ZZEF1: variants seen among roughly 807,000 people sequenced by gnomAD.
ZZEF1 encodes zinc finger ZZ-type and EF-hand domain-containing protein 1.
ZZEF1 carries 157 observed loss-of-function variants against 342.8 expected under a neutral mutation model. That is an observed-to-expected ratio of 0.46 (90% CI 0.40 to 0.52). The LOEUF (loss-of-function observed/expected upper bound fraction) is 0.52. Among genes scored for constraint, ZZEF1 ranks in the 20% least tolerant of loss-of-function variants. The pLI, the probability that ZZEF1 is intolerant of heterozygous loss-of-function variation, is 0.00. For synonymous variants in ZZEF1, 1,505 were observed against 1,429.1 expected (o/e 1.05, Z -1.20); for missense variants, 3,480 against 3,725.6 (o/e 0.93, Z 1.72).
Position 4,095,870 on chromosome 17 carries a change from T to C in ZZEF1, c.1874A>G (p.Lys625Arg), listed in dbSNP as rs779850818. The change falls in exon 11 of 55, where the codon AAA becomes AGA. Residue 625 changes from lysine to arginine, a missense_variant. Around this residue, in one of 5 missense-constraint regions of ZZEF1, gnomAD observed 1,528 missense variants for 1,624.1 expected, o/e 0.94. Coordinates refer to ENST00000381638, the MANE Select transcript of ZZEF1 (RefSeq NM_015113.4). ...TTGCCTGAGCTCCTGAAGCTTCCAT[T>C]TGTCATATTTTTCAAACCTTTTGAA... ...EHFKRFEKYD[K>R]WKLQELRQFV... 2 of 1,613,518 alleles carry C rather than the reference T, an allele frequency of 1.2e-6. No individual in the cohort carries two copies. Among genetic ancestry groups the C allele is most frequent in the East Asian group, 2.2e-5 (1 of 44,876 alleles).
At chr17:4,009,290 G>C (rs1306399851) in intron 53 of ZZEF1, 1 of 562,688 alleles carries the variant, frequency 1.8e-6, no homozygotes, top group African/African-American at 1.9e-5. Flanking sequence ...CTGAGGGGAG[G>C]AAAAAAAGAG....
chr17:4,116,721 AG>A (rs1271653363), intron 3 of ZZEF1, among the ~76,000 whole-genome samples: 1 of 152,202 alleles, frequency 6.6e-6, no homozygotes, highest in Non-Finnish European at 1.5e-5. Flanking sequence ...AAGGTGGGGT[AG>A]GGGAGGTGTT....
intron 16 of ZZEF1, among the ~76,000 whole-genome samples, chr17:4,084,487 A>T (rs2057782928): frequency 6.6e-6 from 1 of 152,130 alleles, no homozygotes; most frequent in East Asian, 1.9e-4. Flanking sequence ...TCTTGTACAC[A>T]TTTCTCTAAT....
rs2055774200 is a variant in ZZEF1, at chr17:4,005,057, T to C, written c.*1833A>G. 6.6e-6 allele frequency: 1 copy of C among 152,352 alleles called. No individual in the cohort carries two copies. Among genetic ancestry groups the C allele is most frequent in the South Asian group, 2.1e-4 (1 of 4,838 alleles). 9.4% of individuals were successfully genotyped at this position (152,352 alleles called of 1,614,324 possible). A position where few individuals can be genotyped will look rare whatever the true frequency, so the allele number is the denominator to read the frequency against. Reference sequence around the variant, plus strand: ...CCCGCTTTACTCGGAGTCTGGGGTGTGGAGGGGCGTGGGTGGCGCTATCTC... The same window carrying C: ...CCCGCTTTACTCGGAGTCTGGGGTGCGGAGGGGCGTGGGTGGCGCTATCTC... On this transcript the variant is annotated 3_prime_UTR_variant, in exon 55 of 55. Coordinates refer to ENST00000381638, the MANE Select transcript of ZZEF1 (RefSeq NM_015113.4).
In ZZEF1 at chr17:4,070,765, T is replaced by A. The variant is rs766786492; in HGVS notation, c.3994A>T (p.Thr1332Ser). ...APKTDIVAGSTIDQAVNATFA... is the reference protein window; with the variant it reads ...APKTDIVAGSSIDQAVNATFA... ...GTGGCGTTCACAGCTTGATCAATAG[T>A]GGAACCAGCAACTATATCTGTCTTT... The change falls in exon 26 of 55, where the codon ACT becomes TCT. Residue 1332 changes from threonine (T) to serine (S), a missense_variant. Around this residue, in one of 5 missense-constraint regions of ZZEF1, gnomAD observed 1,528 missense variants for 1,624.1 expected, o/e 0.94. Coordinates refer to ENST00000381638, the MANE Select transcript of ZZEF1 (RefSeq NM_015113.4). 8.7e-6 allele frequency: 14 copies of A among 1,614,054 alleles called. No homozygotes were observed. In the Admixed American group the frequency reaches 2.0e-4, roughly 23 times the overall value.
At chr17:4,097,362 A>G (rs1425870509) in intron 9 of ZZEF1, among the ~76,000 whole-genome samples, 1 of 151,816 alleles carries the variant, frequency 6.6e-6, no homozygotes, top group Non-Finnish European at 1.5e-5. Flanking sequence ...CACACCTACA[A>G]CCATGGCTGA....
At chr17:4,074,054 CCT>C in intron 24 of ZZEF1, 94 bp downstream of exon 24, 1 of 1,353,942 alleles carries the variant, frequency 7.4e-7, no homozygotes, top group Admixed American at 1.8e-5. Context: ...TTATTAACCC[CCT>C]GCCATTACGT....
chr17:4,086,826 A>G (rs1457939356), intron 14 of ZZEF1, among the ~76,000 whole-genome samples, 171 bp from the exon 15 acceptor site: 1 of 152,176 alleles, frequency 6.6e-6, no homozygotes, highest in Non-Finnish European at 1.5e-5. Flanking sequence ...CACTGTACTA[A>G]ATGTCTGGAA....
At chr17:4,024,838 T>C (rs1793174786) in intron 43 of ZZEF1, 81 bp downstream of exon 43, 2 of 1,336,664 alleles carry the variant, frequency 1.5e-6, no homozygotes, top group Non-Finnish European at 1.1e-6. Context: ...CGAAATCAGA[T>C]GGCATTTCCT....
chr17:4,088,582 C>G lies in ZZEF1; in HGVS notation c.2241+96G>C, dbSNP rs138652833. 1.1e-3 allele frequency: 1,529 copies of G among 1,354,606 alleles called. 1 individual carries two copies. The highest frequency in any genetic ancestry group is 4.6e-3 in the Middle Eastern group (18 of 3,936). 83.9% of individuals were successfully genotyped at this position (1,354,606 alleles called of 1,614,324 possible). A position where few individuals can be genotyped will look rare whatever the true frequency, so the allele number is the denominator to read the frequency against. The stretch of plus-strand genomic sequence containing the variant: ...GTACAATGCCCATCCTATTGGCTTC[C>G]GCAGGGGCAGGTTTTATCAGTTGGT... On this transcript the variant is annotated intron_variant, in intron 13 of 54. Transcript: ENST00000381638.
intron 35 of ZZEF1, among the ~76,000 whole-genome samples, 154 bp from the exon 36 acceptor site, chr17:4,051,197 CCT>C (rs767149459): frequency 6.6e-6 from 1 of 152,080 alleles, no homozygotes; most frequent in African/African-American, 2.4e-5. Context: ...AGGTGTGGGC[CCT>C]CTCTCCAGAA....
chr17:4,120,249 C>T (rs1478644606), intron 2 of ZZEF1, among the ~76,000 whole-genome samples: 3 of 151,698 alleles, frequency 2.0e-5, no homozygotes, highest in South Asian at 4.2e-4. Flanking sequence ...TCCAGCTACT[C>T]GGGAGGCTGA....
chr17:4,079,068 G>A (rs1253885019), intron 18 of ZZEF1, among the ~76,000 whole-genome samples: 1 of 152,132 alleles, frequency 6.6e-6, no homozygotes, highest in Admixed American at 6.5e-5. Flanking sequence ...ATCTCCAAAT[G>A]GTATATACAA....
At chr17:4,058,368 C>T (rs1418271069) in intron 31 of ZZEF1, among the ~76,000 whole-genome samples, 1 of 152,162 alleles carries the variant, frequency 6.6e-6, no homozygotes, top group African/African-American at 2.4e-5. Context: ...AGGTTTCCAC[C>T]CTGCCAGGAC....
At chr17:4,130,674 G>C (rs2058649128) in intron 1 of ZZEF1, among the ~76,000 whole-genome samples, 1 of 152,120 alleles carries the variant, frequency 6.6e-6, no homozygotes, top group Non-Finnish European at 1.5e-5. Flanking sequence ...CCGGGGACCA[G>C]TTCAAGACGT....
At chr17:4,100,879 T>C (rs1453525137) in intron 9 of ZZEF1, among the ~76,000 whole-genome samples, 1 of 152,072 alleles carries the variant, frequency 6.6e-6, no homozygotes, top group African/African-American at 2.4e-5. Flanking sequence ...CTTCCTCACA[T>C]GCTCCAGGAA....
At chr17:4,103,437 C>T (rs2058159500) in intron 8 of ZZEF1, among the ~76,000 whole-genome samples, 1 of 151,846 alleles carries the variant, frequency 6.6e-6, no homozygotes, top group Admixed American at 6.6e-5. Context: ...GTCCCAGCTA[C>T]TCAGGAGGCT....
At chr17:4,086,967 A>T (rs1046697962) in intron 14 of ZZEF1, among the ~76,000 whole-genome samples, 2 of 152,136 alleles carry the variant, frequency 1.3e-5, no homozygotes, top group Non-Finnish European at 2.9e-5. Flanking sequence ...ACTGCATCTC[A>T]GCCTCCCAGG....
At chr17:4,071,073 T>A (rs1161491951) in intron 25 of ZZEF1, 149 bp from the exon 26 acceptor site, 2 of 906,474 alleles carry the variant, frequency 2.2e-6, no homozygotes, top group Non-Finnish European at 3.3e-6. Flanking sequence ...CAGACAGAGA[T>A]ATGAGTTAAA....
Sources: allele counts gnomAD v4.1 joint callset (sites outside exome capture counted in the v4.1 genomes callset), GRCh38; gene constraint gnomAD v4.1.1; regional missense constraint gnomAD v4.1.1; transcripts MANE v1.5; gene names NCBI Gene and HGNC (gene_info 2026-07-23, HGNC 2026-07-21).